FHIT: variants seen among roughly 807,000 people sequenced by gnomAD.
FHIT encodes bis(5'-adenosyl)-triphosphatase.
FHIT carries 19 observed loss-of-function variants against 17.9 expected under a neutral mutation model. That is an observed-to-expected ratio of 1.06 (90% CI 0.74 to 1.56). The LOEUF is 1.56. FHIT is among the 40% of genes most tolerant of loss of function. FHIT has a pLI of 0.00. For synonymous variants in FHIT, 81 were observed against 69.7 expected, an observed-to-expected ratio of 1.16 and a Z score of -0.81; for missense variants, 248 against 189.2, an observed-to-expected ratio of 1.31 and a Z score of -1.82.
intron 5 of FHIT, among the ~76,000 whole-genome samples, chr3:60,462,910 T>C (rs746848710): frequency 1.3e-5 from 2 of 152,184 alleles, no homozygotes; most frequent in African/African-American, 2.4e-5. Context: ...AACCCTGCTC[T>C]GTATCACTCC....
At chr3:59,933,588 C>G (rs115709980) in intron 7 of FHIT, among the ~76,000 whole-genome samples, 1,577 of 152,140 alleles carry the variant, frequency 0.01, 33 homozygotes, top group African/African-American at 0.036. Flanking sequence ...GGATGTCAAG[C>G]GTAATCTGTA....
At chr3:60,679,084 C>T (rs1192204615) in intron 4 of FHIT, among the ~76,000 whole-genome samples, 2 of 151,998 alleles carry the variant, frequency 1.3e-5, no homozygotes, top group Non-Finnish European at 2.9e-5. Flanking sequence ...AGGGACTGTG[C>T]TAGGCTTCTT....
At chr3:60,127,626 G>C (rs58600379) in intron 5 of FHIT, among the ~76,000 whole-genome samples, 19 of 152,056 alleles carry the variant, frequency 1.2e-4, no homozygotes, top group African/African-American at 4.3e-4. Flanking sequence ...TTTGGAGAAA[G>C]GGTCTCACTC....
chr3:59,954,994 C>T (rs1256168005), intron 7 of FHIT, among the ~76,000 whole-genome samples: 2 of 152,192 alleles, frequency 1.3e-5, no homozygotes, highest in Non-Finnish European at 2.9e-5. Context: ...GTGAATCATT[C>T]AGACCCTGGA....
chr3:59,929,479 T>G (rs1705854691), intron 7 of FHIT, among the ~76,000 whole-genome samples: 1 of 146,864 alleles, frequency 6.8e-6, no homozygotes, highest in African/African-American at 2.5e-5. Flanking sequence ...CAAGCGATTC[T>G]CCTGACTCAG....
Position 61,246,019 on chromosome 3 carries a change from AC to A in FHIT, c.-213+5281del, listed in dbSNP as rs540961533. 1.5e-3 allele frequency among the ~76,000 whole-genome samples: 222 copies of A among 151,668 alleles called. 1 individual carries two copies. Among genetic ancestry groups the A allele is most frequent in the Admixed American group, 0.013 (203 of 15,242 alleles). On this transcript the variant is annotated intron_variant, in intron 1 of 9. Coordinates refer to ENST00000492590, the MANE Select transcript of FHIT (RefSeq NM_002012.4). ...GGTTGCAGTAGAGAAGTTGGCTAAA[AC>A]CCCCCAAAACCAAAATGGCCACAAG...
chr3:60,990,161 C>A (rs2030053560), intron 3 of FHIT, among the ~76,000 whole-genome samples: 1 of 152,110 alleles, frequency 6.6e-6, no homozygotes, highest in Non-Finnish European at 1.5e-5. Flanking sequence ...GTCCCTTTGA[C>A]AAAGTTTGCC....
intron 4 of FHIT, among the ~76,000 whole-genome samples, chr3:60,540,371 T>TG (rs2036146931): frequency 6.6e-6 from 1 of 152,226 alleles, no homozygotes; most frequent in Non-Finnish European, 1.5e-5. Flanking sequence ...GAAGGGACCA[T>TG]GGGGTCCCTG....
intron 5 of FHIT, among the ~76,000 whole-genome samples, chr3:60,469,973 C>T (rs979423013): frequency 6.6e-6 from 1 of 151,902 alleles, no homozygotes; most frequent in African/African-American, 2.4e-5. Flanking sequence ...CAGGCAGAGA[C>T]TCTTGTTCTC....
chr3:60,618,907 C>G (rs2039032848), intron 4 of FHIT, among the ~76,000 whole-genome samples: 1 of 151,914 alleles, frequency 6.6e-6, no homozygotes, highest in Admixed American at 6.5e-5. Flanking sequence ...CAGGGGGCCA[C>G]AAAGAAAACT....
intron 5 of FHIT, among the ~76,000 whole-genome samples, chr3:60,438,836 G>A (rs532822085): frequency 6.6e-6 from 1 of 152,024 alleles, no homozygotes; most frequent in Non-Finnish European, 1.5e-5. Context: ...CACCAAAATT[G>A]CCTAGACTAC....
At chr3:60,341,413 C>T (rs1160257142) in intron 5 of FHIT, among the ~76,000 whole-genome samples, 2 of 152,298 alleles carry the variant, frequency 1.3e-5, no homozygotes, top group East Asian at 3.9e-4. Flanking sequence ...GATACACAAA[C>T]TCTACAGAAG....
chr3:60,117,474 A>G (rs1705019798), intron 5 of FHIT, among the ~76,000 whole-genome samples: 1 of 143,790 alleles, frequency 7.0e-6, no homozygotes, highest in Non-Finnish European at 1.5e-5. Flanking sequence ...AGACAGACCC[A>G]AAGTCTATTA....
chr3:59,936,641 TA>T, intron 7 of FHIT, among the ~76,000 whole-genome samples: 1 of 152,214 alleles, frequency 6.6e-6, no homozygotes, highest in East Asian at 1.9e-4. Context: ...AGCCTCCCTT[TA>T]AAACATTTCA....
At chr3:61,066,557 G>T (rs1381744806) in intron 2 of FHIT, among the ~76,000 whole-genome samples, 1 of 152,206 alleles carries the variant, frequency 6.6e-6, no homozygotes, top group African/African-American at 2.4e-5. Context: ...AAAGGTTGCA[G>T]TGAGCAGAGA....
chr3:60,776,824 G>A (rs896247197), intron 4 of FHIT, among the ~76,000 whole-genome samples: 1 of 152,180 alleles, frequency 6.6e-6, no homozygotes, highest in Admixed American at 6.5e-5. Context: ...GTAAACTTTT[G>A]CCTAGGGTTA....
chr3:60,538,550 G>T lies in FHIT; in HGVS notation c.-17-1571C>A, dbSNP rs557227140. On this transcript the variant is annotated intron_variant, in intron 4 of 9. Transcript: ENST00000492590. ...ACCTGACTTCAAACTATACTACAAG[G>T]CTACAGTAACCAAAACAGCATGGTA... 2.0e-4 allele frequency among the ~76,000 whole-genome samples: 31 copies of T among 152,140 alleles called. No homozygotes were observed. The East Asian group carries it at 6.0e-3, about 29-fold the overall frequency.
At chr3:61,065,492 T>C (rs1395003673) in intron 2 of FHIT, among the ~76,000 whole-genome samples, 1 of 152,158 alleles carries the variant, frequency 6.6e-6, no homozygotes, top group Non-Finnish European at 1.5e-5. Context: ...GAAGGTCCAA[T>C]CCAAGAGAAA....
intron 2 of FHIT, among the ~76,000 whole-genome samples, chr3:61,077,585 T>G (rs1218327207): frequency 6.6e-6 from 1 of 152,150 alleles, no homozygotes; most frequent in Non-Finnish European, 1.5e-5. Context: ...CTTAGAAGAA[T>G]CCTAAGTGTT....
Sources: gnomAD v4.1 joint callset for allele counts (sites outside exome capture counted in the v4.1 genomes callset) on GRCh38, gnomAD v4.1.1 for gene constraint, MANE v1.5 for transcripts, NCBI Gene and HGNC (gene_info 2026-07-23, HGNC 2026-07-21) for gene names.